The following TEK variants were observed in gnomAD, a reference collection of about 807,000 sequenced individuals.
TEK encodes the protein TEK receptor tyrosine kinase, also known as angiopoietin-1 receptor.
TEK carries 43 observed loss-of-function variants against 131.8 expected under a neutral mutation model. The observed-to-expected ratio is 0.33, with a 90% CI of 0.26 to 0.42. TEK has a LOEUF of 0.42. Among genes scored for constraint, TEK ranks in the 10% least tolerant of loss-of-function variants. The probability of loss-of-function intolerance (pLI) is 1.00; values close to 1 mark genes in which losing one functional copy is unlikely to be tolerated. For synonymous variants in TEK, 580 were observed against 491.6 expected (o/e 1.18, Z -2.38); for missense variants, 1,162 against 1,384.4 (o/e 0.84, Z 2.55).
Position 27,212,004 on chromosome 9 carries a change from AG to A in TEK, c.2687-702del, listed in dbSNP as rs71504161. Among the ~76,000 whole-genome samples, 795 of 146,166 alleles carry A rather than the reference AG, an allele frequency of 5.4e-3. 9 individuals are homozygous for A. Among genetic ancestry groups the A allele is most frequent in the African/African-American group, 0.019 (741 of 39,174 alleles). On this transcript the variant is annotated intron_variant, in intron 16 of 22. Coordinates refer to ENST00000380036, the MANE Select transcript of TEK (RefSeq NM_000459.5). Reference sequence around the variant, plus strand: ...AAATAACGTTTTATTAAAAAAAAAAAGAGAGAGAGAAATGATGTGGAACAAA... The same window carrying A: ...AAATAACGTTTTATTAAAAAAAAAAAAGAGAGAGAAATGATGTGGAACAAA...
chr9:27,186,962 C>A (rs1226106069), intron 9 of TEK, among the ~76,000 whole-genome samples: 1 of 152,104 alleles, frequency 6.6e-6, no homozygotes, highest in Non-Finnish European at 1.5e-5. Context: ...GGAAAGAGCC[C>A]AAATCTGTTT....
chr9:27,183,885 C>T (rs1474467199), intron 8 of TEK, among the ~76,000 whole-genome samples: 1 of 152,198 alleles, frequency 6.6e-6, no homozygotes, highest in Non-Finnish European at 1.5e-5. Context: ...TCCTGCAGGA[C>T]TGTCCAGCTG....
chr9:27,141,861 G>A (rs1440999678), intron 1 of TEK, among the ~76,000 whole-genome samples: 1 of 152,192 alleles, frequency 6.6e-6, no homozygotes, highest in African/African-American at 2.4e-5. Context: ...AAAGAAACAG[G>A]TATAATGGGT....
At chr9:27,209,002 T>C in intron 15 of TEK, 119 bp from the exon 16 acceptor site, 4 of 723,552 alleles carry the variant, frequency 5.5e-6, no homozygotes, top group East Asian at 5.3e-5. Context: ...GTAATCTCTT[T>C]GGTTGTATAC....
At chr9:27,182,573 C>T (rs941089909) in intron 7 of TEK, among the ~76,000 whole-genome samples, 1 of 152,140 alleles carries the variant, frequency 6.6e-6, no homozygotes, top group African/African-American at 2.4e-5. Context: ...CTCTTCCCAC[C>T]ACCGATAAGA....
intron 17 of TEK, 70 bp from the exon 18 acceptor site, chr9:27,213,414 T>C (rs1280203339): frequency 2.7e-6 from 3 of 1,127,882 alleles, no homozygotes; most frequent in African/African-American, 1.5e-5. Flanking sequence ...TTTTCTTTCC[T>C]GTTCCCCAAA....
chr9:27,177,762 AAG>A (rs1453879590), intron 6 of TEK, among the ~76,000 whole-genome samples: 2 of 152,126 alleles, frequency 1.3e-5, no homozygotes, highest in African/African-American at 4.8e-5. Flanking sequence ...AAAAATGAAA[AAG>A]AAAAAAAAAG....
intron 11 of TEK, among the ~76,000 whole-genome samples, chr9:27,195,845 C>T (rs1039755119): frequency 1.3e-5 from 2 of 151,984 alleles, no homozygotes; most frequent in Non-Finnish European, 2.9e-5. Flanking sequence ...ATGAATTTGC[C>T]CAAGGTTGCA....
intron 11 of TEK, 88 bp downstream of exon 11, chr9:27,192,711 GTGGGTGAGT>G: frequency 1.0e-6 from 1 of 992,542 alleles, no homozygotes; most frequent in East Asian, 2.9e-5. Flanking sequence ...AAGGGTGGTG[GTGGGTGAGT>G]GGGTGGGTGG....
chr9:27,225,225 A>T (rs1826267676), intron 21 of TEK, among the ~76,000 whole-genome samples: 1 of 152,222 alleles, frequency 6.6e-6, no homozygotes, highest in African/African-American at 2.4e-5. Context: ...TCTTCACAGA[A>T]TTAGATAAAA....
intron 1 of TEK, among the ~76,000 whole-genome samples, chr9:27,152,598 G>A (rs5014897): frequency 3.5e-5 from 5 of 143,500 alleles, no homozygotes; most frequent in East Asian, 2.0e-4. Flanking sequence ...AAGCCCCCCC[G>A]CCGCAAAAAA....
intron 1 of TEK, among the ~76,000 whole-genome samples, chr9:27,155,486 A>T (rs1247655211): frequency 6.6e-6 from 1 of 152,238 alleles, no homozygotes; most frequent in South Asian, 2.1e-4. Context: ...CTTGACTTTG[A>T]AATTTTTCTT....
intron 1 of TEK, among the ~76,000 whole-genome samples, chr9:27,122,721 G>C (rs566225087): frequency 5.9e-5 from 9 of 151,998 alleles, no homozygotes; most frequent in Non-Finnish European, 1.0e-4. Flanking sequence ...ATCCTGAAAG[G>C]ATGTGCCAAG....
chr9:27,179,988 CT>C (rs1229155872), intron 6 of TEK, among the ~76,000 whole-genome samples: 1 of 152,134 alleles, frequency 6.6e-6, no homozygotes, highest in Non-Finnish European at 1.5e-5. Context: ...CTCTTAAGTG[CT>C]TTCAGGAAGT....
intron 15 of TEK, 68 bp from the exon 16 acceptor site, chr9:27,209,053 C>A: frequency 1.9e-6 from 2 of 1,049,842 alleles, no homozygotes; most frequent in Non-Finnish European, 3.0e-6. Context: ...TCTTAGGGGG[C>A]AGGACGGGAC....
intron 18 of TEK, among the ~76,000 whole-genome samples, chr9:27,214,785 C>T (rs545590867): frequency 1.5e-4 from 23 of 152,260 alleles, no homozygotes; most frequent in South Asian, 1.5e-3. Flanking sequence ...TTTGGCTCTT[C>T]GAGGGCCCTG....
chr9:27,200,151 C>T (rs1212978559), intron 12 of TEK, among the ~76,000 whole-genome samples: 1 of 152,078 alleles, frequency 6.6e-6, no homozygotes, highest in African/African-American at 2.4e-5. Flanking sequence ...TATCATATGC[C>T]AGGTTCTCAT....
intron 1 of TEK, among the ~76,000 whole-genome samples, chr9:27,112,507 A>T (rs1821385544): frequency 6.6e-6 from 1 of 152,094 alleles, no homozygotes; most frequent in Non-Finnish European, 1.5e-5. Flanking sequence ...GCCCTGGGAG[A>T]GCTTCCTGGA....
chr9:27,205,525 C>T (rs952137230), intron 14 of TEK, among the ~76,000 whole-genome samples: 2 of 152,188 alleles, frequency 1.3e-5, no homozygotes, highest in African/African-American at 4.8e-5. Flanking sequence ...GTCCCTCAAT[C>T]TTATCACCCC....
Sources: gnomAD v4.1 joint callset for allele counts (sites outside exome capture counted in the v4.1 genomes callset) on GRCh38, gnomAD v4.1.1 for gene constraint, MANE v1.5 for transcripts, NCBI Gene and HGNC (gene_info 2026-07-23, HGNC 2026-07-21) for gene names.